The following ITGA4 variants were observed in gnomAD, a reference collection of about 807,000 sequenced individuals.
ITGA4 encodes integrin alpha-4.
ITGA4 carries 63 observed loss-of-function variants against 133.6 expected under a neutral mutation model. The ratio of observed to expected loss-of-function variants is 0.47; its 90% CI spans 0.38 to 0.58. The LOEUF is 0.58. ITGA4 is among the 20% of genes least tolerant of loss of function. ITGA4 has a pLI of 0.00. For missense variants in ITGA4, 1,076 were observed against 1,252.7 expected (o/e 0.86, Z 2.13); for synonymous variants, 483 against 438.0 (o/e 1.10, Z -1.28).
At chr2:181,474,913 T>C (rs1205682293) in intron 2 of ITGA4, 47 bp from the exon 3 acceptor site, 1 of 1,441,502 alleles carries the variant, frequency 6.9e-7, no homozygotes, top group Non-Finnish European at 9.7e-7. Context: ...TCTTCTTTTG[T>C]AGAATGTTTT....
In ITGA4 at chr2:181,495,499, G is replaced by T; in HGVS notation, c.1385+83G>T. 1.0e-6 allele frequency: 1 copy of T among 993,956 alleles called. No individual in the cohort carries two copies. The highest frequency in any genetic ancestry group is 2.4e-5 in the East Asian group (1 of 41,854). The allele number at this position is 993,956 out of a possible 1,614,324, so 61.6% of individuals were successfully genotyped here. ...GAGGTGGTGTTTAAAATCAGCAGTGGTAGTGACCTCATGATGCTCTTTTGG... is the reference window on the plus strand; with the variant it reads ...GAGGTGGTGTTTAAAATCAGCAGTGTTAGTGACCTCATGATGCTCTTTTGG... On this transcript the variant is annotated intron_variant, in intron 13 of 27. Coordinates refer to ENST00000397033, the MANE Select transcript of ITGA4 (RefSeq NM_000885.6). This position sits in a 1 kb window ranked among gnomAD's most constrained non-coding sequence, Gnocchi z 4.3.
At position 181,504,816 on chromosome 2, in the gene ITGA4, T is replaced by C. The variant is rs545952182; in HGVS notation, c.1696-4842T>C. Among the ~76,000 whole-genome samples, 7 of 152,088 alleles carry C rather than the reference T, an allele frequency of 4.6e-5. 1 individual carries two copies. The South Asian group carries it at 1.5e-3, about 32-fold the overall frequency. On this transcript the variant is annotated intron_variant, in intron 15 of 27. Transcript: ENST00000397033. ...ATAAGAAAAATCTGAGAATGTTCTA[T>C]TGGTATAATGGTTAGGGCATTTGTC...
Position 181,524,250 on chromosome 2 carries a change from G to A in ITGA4, c.2249G>A (p.Cys750Tyr). ...CTCAGTATCACAGTGCATGCTACCT[G>A]GTATAATTTATTGTTAATAAAATGA... ...EDLSITVHAT[C>Y]ENEEEMDNLK... is the part of the protein sequence containing the mutation. Residue 750 changes from cysteine (C) to tyrosine (Y), a missense_variant and splice_region_variant, in exon 20 of 28, where the codon TGT becomes TAT. Coordinates refer to ENST00000397033, the MANE Select transcript of ITGA4 (RefSeq NM_000885.6). The A allele has an allele frequency of 6.5e-7, 1 of 1,530,324 alleles. No individual in the cohort carries two copies. Among genetic ancestry groups the A allele is most frequent in the Non-Finnish European group, 8.9e-7 (1 of 1,125,386 alleles). 94.8% of individuals were successfully genotyped at this position (1,530,324 alleles called of 1,614,324 possible).
At chr2:181,461,401 A>G (rs920688284) in intron 2 of ITGA4, among the ~76,000 whole-genome samples, 13 of 151,378 alleles carry the variant, frequency 8.6e-5, no homozygotes, top group Admixed American at 8.6e-4. Flanking sequence ...GTACCAGAGG[A>G]AAGTGGTCTC....
intron 10 of ITGA4, among the ~76,000 whole-genome samples, chr2:181,488,748 C>T (rs868663476): frequency 2.5e-4 from 38 of 152,050 alleles, no homozygotes; most frequent in Middle Eastern, 3.4e-3. Flanking sequence ...TTAGTAGAGA[C>T]AGGGTTTCAC....
intron 17 of ITGA4, among the ~76,000 whole-genome samples, chr2:181,513,890 C>A (rs1212349543): frequency 6.6e-6 from 1 of 152,112 alleles, no homozygotes; most frequent in Non-Finnish European, 1.5e-5. Context: ...GGTCCTATGG[C>A]CCTGTGCTCA....
intron 2 of ITGA4, among the ~76,000 whole-genome samples, chr2:181,461,407 GTC>G (rs1403373504): frequency 2.0e-5 from 3 of 151,450 alleles, no homozygotes; most frequent in African/African-American, 4.9e-5. Context: ...GAGGAAAGTG[GTC>G]TCTCTGCCAG....
At chr2:181,501,926 A>T (rs1397881557) in intron 15 of ITGA4, among the ~76,000 whole-genome samples, 1 of 152,018 alleles carries the variant, frequency 6.6e-6, no homozygotes, top group Non-Finnish European at 1.5e-5. Flanking sequence ...TGGCATATGG[A>T]TGGTATTTAA....
At chr2:181,478,886 G>GT in intron 5 of ITGA4, 62 bp downstream of exon 5, 2 of 816,904 alleles carry the variant, frequency 2.4e-6, no homozygotes, top group South Asian at 2.9e-5. Flanking sequence ...TCTTCTCATG[G>GT]TTTGGAAGAC....
chr2:181,503,600 T>A (rs6707088), intron 15 of ITGA4, among the ~76,000 whole-genome samples: 135,802 of 138,706 alleles, frequency 0.98, 66,546 homozygotes, highest in Middle Eastern at 1. Flanking sequence ...CTTTAAAAAA[T>A]CCTTTGTATT....
chr2:181,514,538 T>C (rs955021497), intron 17 of ITGA4, among the ~76,000 whole-genome samples: 1 of 152,060 alleles, frequency 6.6e-6, no homozygotes, highest in Non-Finnish European at 1.5e-5. Flanking sequence ...GGCAGTGCCT[T>C]TATTGATTTC....
intron 9 of ITGA4, 47 bp downstream of exon 9, chr2:181,482,698 A>G (rs1031446483): frequency 8.9e-6 from 14 of 1,579,670 alleles, no homozygotes; most frequent in Non-Finnish European, 1.2e-5. Context: ...AATTATGATC[A>G]AAACTCAAAT....
chr2:181,462,825 G>C (rs1453096052), intron 2 of ITGA4, among the ~76,000 whole-genome samples: 1 of 152,142 alleles, frequency 6.6e-6, no homozygotes, highest in Non-Finnish European at 1.5e-5. Flanking sequence ...CCAATGACTT[G>C]AAAATATATC....
intron 2 of ITGA4, among the ~76,000 whole-genome samples, chr2:181,461,878 T>C (rs1685289202): frequency 6.6e-6 from 1 of 152,182 alleles, no homozygotes; most frequent in South Asian, 2.1e-4. Flanking sequence ...AGGGCTGTAA[T>C]GTAAATTACA....
Position 181,538,359 on chromosome 2 carries a change from C to T in ITGA4, c.*2832C>T, listed in dbSNP as rs1687305482. Reference sequence around the variant, plus strand: ...CAAATTGATAACAAACACAGCATTCCCAACAGAGCTGTAATCTAGAAAACT... The same window carrying T: ...CAAATTGATAACAAACACAGCATTCTCAACAGAGCTGTAATCTAGAAAACT... On this transcript the variant is annotated 3_prime_UTR_variant, in exon 28 of 28. Coordinates refer to ENST00000397033, the MANE Select transcript of ITGA4 (RefSeq NM_000885.6). 3.1e-6 allele frequency: 2 copies of T among 648,544 alleles called. No individual in the cohort carries two copies. The highest frequency in any genetic ancestry group is 3.6e-5 in the African/African-American group (2 of 55,058). The allele number at this position is 648,544 out of a possible 1,614,324, so 40.2% of individuals were successfully genotyped here.
chr2:181,475,998 A>G, intron 4 of ITGA4: 2 of 1,184,392 alleles, frequency 1.7e-6, no homozygotes, highest in Non-Finnish European at 2.2e-6. Flanking sequence ...CTCAAAAAAA[A>G]TCCCTCAGCA....
chr2:181,501,594 A>C (rs1574399670), intron 15 of ITGA4, among the ~76,000 whole-genome samples: 1 of 152,146 alleles, frequency 6.6e-6, no homozygotes, highest in Non-Finnish European at 1.5e-5. Flanking sequence ...AAGTGGTGGC[A>C]GTGGATATGG....
chr2:181,534,919 C>A lies in ITGA4; in HGVS notation c.2987C>A (p.Ser996Ter). The change falls in exon 27 of 28, where the codon TCA (serine) becomes TAA (stop). Residue 996 changes from serine to a stop codon, truncating the protein, a stop_gained. Coordinates refer to ENST00000397033, the MANE Select transcript of ITGA4 (RefSeq NM_000885.6). LOFTEE classifies it high-confidence loss of function. ...GGACTTATTGTACTTCTATTGATCTCATATGTTATGTGGAAGGTAAGCATT... is the reference window on the plus strand; with the variant it reads ...GGACTTATTGTACTTCTATTGATCTAATATGTTATGTGGAAGGTAAGCATT... ...LLGLIVLLLI[S>*]YVMWKAGFFK... The A allele has an allele frequency of 1.3e-6, 2 of 1,577,680 alleles. No homozygotes were observed. Among genetic ancestry groups the A allele is most frequent in the South Asian group, 2.4e-5 (2 of 84,340 alleles).
In ITGA4 at chr2:181,476,573, G is replaced by A. The variant is rs55712564; in HGVS notation, c.556+1285G>A. On this transcript the variant is annotated intron_variant, in intron 4 of 27. Transcript: ENST00000397033. Reference sequence around the variant, plus strand: ...TTTGCCCCCTTAGAAAGTTCCAAAAGCATTCATTCATGGGACTTTGTAATA... The same window carrying A: ...TTTGCCCCCTTAGAAAGTTCCAAAAACATTCATTCATGGGACTTTGTAATA... Among the ~76,000 whole-genome samples, 309 of 152,262 alleles carry A rather than the reference G, an allele frequency of 2.0e-3. 1 individual carries two copies. Among genetic ancestry groups the A allele is most frequent in the African/African-American group, 7.1e-3 (295 of 41,570 alleles).
Sources: allele counts gnomAD v4.1 joint callset (sites outside exome capture counted in the v4.1 genomes callset), GRCh38; gene constraint gnomAD v4.1.1; non-coding constraint Gnocchi (gnomAD v3.1); transcripts MANE v1.5; gene names NCBI Gene and HGNC (gene_info 2026-07-23, HGNC 2026-07-21).